Variants in TRPM3 observed in about 807,000 individuals in gnomAD.
The protein encoded by TRPM3 is long transient receptor potential channel 3.
Under a neutral mutation model 181.2 loss-of-function variants are expected in TRPM3, and 77 were observed. The observed-to-expected ratio is 0.42, with a 90% CI of 0.35 to 0.51. The LOEUF (loss-of-function observed/expected upper bound fraction) is 0.51, where lower values mean the gene tolerates loss of function less well. Ranked by LOEUF, TRPM3 falls within the 20% of genes least tolerant of loss-of-function variation. The probability of loss-of-function intolerance (pLI) is 0.01; values close to 1 mark genes in which losing one functional copy is unlikely to be tolerated. For missense variants in TRPM3, 1,759 were observed against 2,196.7 expected, an observed-to-expected ratio of 0.80 and a Z score of 3.98; for synonymous variants, 745 against 796.4, an observed-to-expected ratio of 0.94 and a Z score of 1.09.
At chr9:70,814,243 C>G (rs1307715484) in intron 6 of TRPM3, among the ~76,000 whole-genome samples, 1 of 152,108 alleles carries the variant, frequency 6.6e-6, no homozygotes, top group Non-Finnish European at 1.5e-5. Context: ...GGTGAGCACA[C>G]AGACAATATT....
intron 1 of TRPM3, among the ~76,000 whole-genome samples, chr9:71,435,521 A>G (rs776006341): frequency 3.9e-5 from 6 of 152,216 alleles, no homozygotes; most frequent in Non-Finnish European, 5.9e-5. Context: ...CAAAGTGTGC[A>G]AGGAACCTCA....
chr9:71,145,359 G>A (rs2075347174), intron 1 of TRPM3, among the ~76,000 whole-genome samples: 1 of 152,160 alleles, frequency 6.6e-6, no homozygotes. Flanking sequence ...AAGGGCTTCT[G>A]CTGCCCTTTC....
intron 1 of TRPM3, among the ~76,000 whole-genome samples, chr9:71,301,556 C>T (rs768324883): frequency 4.6e-5 from 7 of 152,010 alleles, no homozygotes; most frequent in South Asian, 2.1e-4. Context: ...ATATATTTAA[C>T]GAATCATTTT....
At chr9:71,305,079 C>T (rs556517668) in intron 1 of TRPM3, among the ~76,000 whole-genome samples, 1 of 152,218 alleles carries the variant, frequency 6.6e-6, no homozygotes, top group African/African-American at 2.4e-5. Flanking sequence ...CTGAAAGAGA[C>T]CAAGAATTTT....
chr9:71,200,664 A>C (rs2078722055), intron 1 of TRPM3, among the ~76,000 whole-genome samples: 1 of 151,980 alleles, frequency 6.6e-6, no homozygotes, highest in Admixed American at 6.6e-5. Context: ...TGTTGGTTTA[A>C]AGTTTGTTTT....
intron 1 of TRPM3, among the ~76,000 whole-genome samples, chr9:71,349,875 A>C (rs1202904265): frequency 2.6e-5 from 4 of 151,680 alleles, no homozygotes; most frequent in Non-Finnish European, 4.4e-5. Flanking sequence ...GATAACATGG[A>C]AGCCTGGGAT....
intron 21 of TRPM3, among the ~76,000 whole-genome samples, chr9:70,596,408 G>A (rs75915441): frequency 0.012 from 1,887 of 152,228 alleles, 41 homozygotes; most frequent in African/African-American, 0.044. Context: ...AGTTAGCAAT[G>A]ATACATATAG....
intron 6 of TRPM3, chr9:70,827,612 A>T: frequency 2.4e-6 from 1 of 418,876 alleles, no homozygotes; most frequent in East Asian, 4.0e-5. Context: ...ATGGAGTTGA[A>T]TTTTTCACAC....
At chr9:70,657,106 T>C (rs1011251663) in intron 9 of TRPM3, among the ~76,000 whole-genome samples, 24 of 150,162 alleles carry the variant, frequency 1.6e-4, no homozygotes, top group Admixed American at 6.7e-5. Flanking sequence ...AGAGGATTTA[T>C]ATACATAAAA....
intron 1 of TRPM3, among the ~76,000 whole-genome samples, chr9:71,087,533 T>C (rs1193033997): frequency 6.6e-6 from 1 of 152,058 alleles, no homozygotes; most frequent in Non-Finnish European, 1.5e-5. Flanking sequence ...GAGGGAAGAT[T>C]CTATTTTGTT....
chr9:71,323,997 T>C (rs1397772439), intron 1 of TRPM3, among the ~76,000 whole-genome samples: 1 of 152,156 alleles, frequency 6.6e-6, no homozygotes, highest in Non-Finnish European at 1.5e-5. Context: ...AGAACAGTGG[T>C]AGAGCCCTGA....
intron 6 of TRPM3, among the ~76,000 whole-genome samples, chr9:70,817,537 A>C (rs2092804907): frequency 6.6e-6 from 1 of 152,188 alleles, no homozygotes; most frequent in Admixed American, 6.5e-5. Flanking sequence ...TGTCCTAACT[A>C]AGGCTTTATG....
chr9:71,253,505 A>C (rs948479363), intron 1 of TRPM3, among the ~76,000 whole-genome samples: 1 of 152,206 alleles, frequency 6.6e-6, no homozygotes, highest in Non-Finnish European at 1.5e-5. Context: ...CAAAAATGTC[A>C]ATAGTGCCAA....
At chr9:71,070,113 A>G (rs754132120) in intron 1 of TRPM3, among the ~76,000 whole-genome samples, 5 of 152,340 alleles carry the variant, frequency 3.3e-5, no homozygotes, top group Non-Finnish European at 7.3e-5. Flanking sequence ...CCCAATCAGC[A>G]TATAAATCAA....
chr9:71,432,141 T>C (rs2093964058), intron 1 of TRPM3, among the ~76,000 whole-genome samples: 1 of 152,180 alleles, frequency 6.6e-6, no homozygotes, highest in African/African-American at 2.4e-5. Flanking sequence ...AGTAATACAA[T>C]ATCCTGTGAA....
At chr9:70,848,132 G>A (rs547454429) in intron 3 of TRPM3, among the ~76,000 whole-genome samples, 98 of 152,242 alleles carry the variant, frequency 6.4e-4, no homozygotes, top group African/African-American at 2.2e-3. Context: ...AGATGACTGA[G>A]TATAAGAGTC....
intron 6 of TRPM3, among the ~76,000 whole-genome samples, chr9:70,791,230 G>A (rs1009006705): frequency 6.6e-6 from 1 of 152,136 alleles, no homozygotes; most frequent in Non-Finnish European, 1.5e-5. Flanking sequence ...AATCCTGTAC[G>A]CTATACATTT....
Position 70,827,875 on chromosome 9 carries a change from C to G in TRPM3, c.945G>C (p.Lys315Asn), listed in dbSNP as rs746204538. 1 of 1,613,960 alleles carries G rather than the reference C, an allele frequency of 6.2e-7. No homozygotes were observed. Among genetic ancestry groups the G allele is most frequent in the Non-Finnish European group, 8.5e-7 (1 of 1,179,952 alleles). Residue 315 changes from lysine (K) to asparagine (N), a missense_variant, in exon 6 of 26, where the codon AAG becomes AAC. Coordinates refer to ENST00000677713, the MANE Select transcript of TRPM3 (RefSeq NM_001366145.2). ...AEVKLRRQLE[K>N]HISLQKINTR... ...TGTTTATCTTCTGGAGTGAAATATG[C>G]TTTTCCAGTTGTCTTCGAAGTTTCA...
At chr9:70,593,887 CAT>C (rs913702757) in intron 21 of TRPM3, among the ~76,000 whole-genome samples, 5 of 146,108 alleles carry the variant, frequency 3.4e-5, no homozygotes, top group African/African-American at 5.0e-5. Flanking sequence ...ATATAATACA[CAT>C]ATATATAATA....
Sources: gnomAD v4.1 joint callset for allele counts (sites outside exome capture counted in the v4.1 genomes callset) on GRCh38, gnomAD v4.1.1 for gene constraint, MANE v1.5 for transcripts, NCBI Gene and HGNC (gene_info 2026-07-23, HGNC 2026-07-21) for gene names.